Variants in GAREM1 observed in about 807,000 individuals in gnomAD.
GAREM1 encodes GRB2-associated and regulator of MAPK protein 1.
In GAREM1, 26 loss-of-function variants were observed where a neutral mutation model predicts 71.3. The observed-to-expected ratio is 0.36, with a 90% CI of 0.27 to 0.51. The LOEUF is 0.51. GAREM1 is among the 20% of genes least tolerant of loss of function. GAREM1 has a pLI of 0.95. For missense variants in GAREM1, 1,026 were observed against 1,103.1 expected (o/e 0.93, Z 0.99); for synonymous variants, 440 against 433.2 (o/e 1.02, Z -0.20).
rs369461048 is a variant in GAREM1, at chr18:32,287,738, G to A, written c.859C>T (p.Leu287=). Residue 287 remains leucine (L), a synonymous_variant, in exon 4 of 6, where the codon CTG becomes TTG. Coordinates refer to ENST00000269209, the MANE Select transcript of GAREM1 (RefSeq NM_001242409.2). This position sits in a 1 kb window ranked among gnomAD's most constrained non-coding sequence, Gnocchi z 5.9. ...QTKTVVVCCV[L]RNNKILPMHF... is the part of the protein sequence containing the mutation. The stretch of plus-strand genomic sequence containing the variant: ...ATGGGGAGGATCTTGTTGTTCCGCA[G>A]CACACAGCAAACCACCACCGTCTTG... The A allele has an allele frequency of 1.3e-5, 21 of 1,613,872 alleles. No homozygotes were observed. The highest frequency in any genetic ancestry group is 1.7e-5 in the Admixed American group (1 of 59,986).
At chr18:32,333,496 A>T (rs529835207) in intron 2 of GAREM1, among the ~76,000 whole-genome samples, 1 of 152,236 alleles carries the variant, frequency 6.6e-6, no homozygotes, top group African/African-American at 2.4e-5. Context: ...AAGTGCCAAA[A>T]GAGAAGATTG....
chr18:32,350,206 G>A (rs746000731), intron 2 of GAREM1, among the ~76,000 whole-genome samples: 42 of 152,044 alleles, frequency 2.8e-4, no homozygotes, highest in Non-Finnish European at 5.9e-4. Context: ...TCATTCAGAG[G>A]CTCTCTCCTC....
intron 2 of GAREM1, among the ~76,000 whole-genome samples, chr18:32,313,437 T>C (rs937740212): frequency 6.6e-6 from 1 of 152,052 alleles, no homozygotes; most frequent in African/African-American, 2.4e-5. Context: ...TATGATGTGG[T>C]CTAAGGAGGG....
At chr18:32,356,895 A>G (rs1240217073) in intron 2 of GAREM1, among the ~76,000 whole-genome samples, 1 of 151,952 alleles carries the variant, frequency 6.6e-6, no homozygotes, top group Non-Finnish European at 1.5e-5. Context: ...GCCACCCTCC[A>G]CCCCCAACCA....
chr18:32,407,812 C>A (rs2048378627), intron 1 of GAREM1, among the ~76,000 whole-genome samples: 1 of 152,098 alleles, frequency 6.6e-6, no homozygotes, highest in South Asian at 2.1e-4. Flanking sequence ...GGCAACATAA[C>A]CTCAGATCTC....
chr18:32,457,621 T>C (rs1316261595), intron 1 of GAREM1, among the ~76,000 whole-genome samples: 3 of 152,112 alleles, frequency 2.0e-5, no homozygotes, highest in Admixed American at 6.6e-5. Context: ...TGAAGCTTCT[T>C]TGGTGTGGCA....
chr18:32,283,630 A>T (rs973266325), intron 4 of GAREM1, among the ~76,000 whole-genome samples: 8 of 152,212 alleles, frequency 5.3e-5, no homozygotes, highest in African/African-American at 1.9e-4. Flanking sequence ...ACAATTCTAG[A>T]GCATCAAATA....
intron 2 of GAREM1, among the ~76,000 whole-genome samples, chr18:32,320,271 T>C (rs950686416): frequency 2.0e-5 from 3 of 152,220 alleles, no homozygotes; most frequent in Admixed American, 6.5e-5. Flanking sequence ...AAGTAATCTA[T>C]GTTTCATATT....
At chr18:32,387,399 A>C (rs956507838) in intron 2 of GAREM1, among the ~76,000 whole-genome samples, 14 of 152,200 alleles carry the variant, frequency 9.2e-5, no homozygotes, top group African/African-American at 3.4e-4. Context: ...AGAATGCAGA[A>C]AAAATCTTGA....
chr18:32,378,584 T>C (rs905315943), intron 2 of GAREM1, among the ~76,000 whole-genome samples: 2 of 151,976 alleles, frequency 1.3e-5, no homozygotes, highest in Non-Finnish European at 2.9e-5. Context: ...TTCTGCATGA[T>C]GCTCCAATGG....
rs1237617006 is a variant in GAREM1, at chr18:32,470,693, GCGGGCGGCGGCGGCGGCC to G, written c.-283_-266del. Among the ~76,000 whole-genome samples the G allele has an allele frequency of 6.7e-6, 1 of 149,748 alleles. No homozygotes were observed. Among genetic ancestry groups the G allele is most frequent in the African/African-American group, 2.4e-5 (1 of 41,166 alleles). On this transcript the variant is annotated 5_prime_UTR_variant, in exon 1 of 6. Coordinates refer to ENST00000269209, the MANE Select transcript of GAREM1 (RefSeq NM_001242409.2). This position sits in a 1 kb window ranked among gnomAD's most constrained non-coding sequence, Gnocchi z 4.4. ...GAAGACTCAGAGCAGCCGCGCGGCTGCGGGCGGCGGCGGCGGCCCGGGTGGCTGCGGCGGCTCCCGCTC... is the reference window on the plus strand; with the variant it reads ...GAAGACTCAGAGCAGCCGCGCGGCTGCGGGTGGCTGCGGCGGCTCCCGCTC...
intron 2 of GAREM1, among the ~76,000 whole-genome samples, chr18:32,338,062 TG>T (rs558373550): frequency 3.0e-4 from 45 of 151,886 alleles, no homozygotes; most frequent in Non-Finnish European, 6.3e-4. Context: ...GTGAAAGAGG[TG>T]GTTTCTTCAG....
chr18:32,383,434 C>T (rs2048115566), intron 2 of GAREM1, among the ~76,000 whole-genome samples: 1 of 152,170 alleles, frequency 6.6e-6, no homozygotes, highest in African/African-American at 2.4e-5. Context: ...GTTTTGCTAG[C>T]ACTGCAATCA....
chr18:32,464,913 G>C (rs1293465992), intron 1 of GAREM1, among the ~76,000 whole-genome samples: 1 of 152,200 alleles, frequency 6.6e-6, no homozygotes, highest in Non-Finnish European at 1.5e-5. Flanking sequence ...AACAGGGCTT[G>C]TCACATAGCA....
chr18:32,436,639 A>G (rs890141474), intron 1 of GAREM1, among the ~76,000 whole-genome samples: 24 of 152,240 alleles, frequency 1.6e-4, no homozygotes, highest in Admixed American at 1.5e-3. Context: ...GTGTTTAAGC[A>G]TATCACCTTA....
intron 2 of GAREM1, among the ~76,000 whole-genome samples, chr18:32,343,535 G>C (rs192957898): frequency 6.6e-6 from 1 of 151,906 alleles, no homozygotes; most frequent in Admixed American, 6.6e-5. Flanking sequence ...TCCTAGCCTC[G>C]AGTGATCTGT....
At chr18:32,347,959 A>G (rs2047712221) in intron 2 of GAREM1, among the ~76,000 whole-genome samples, 1 of 152,252 alleles carries the variant, frequency 6.6e-6, no homozygotes, top group African/African-American at 2.4e-5. Flanking sequence ...ACACTGGTTG[A>G]GGCCTCCTTG....
rs10163678 is a variant in GAREM1, at chr18:32,295,837, A to G, written c.394-7634T>C. 4.7e-3 allele frequency among the ~76,000 whole-genome samples: 711 copies of G among 152,298 alleles called. 6 individuals are homozygous for G. Among genetic ancestry groups the G allele is most frequent in the African/African-American group, 0.017 (686 of 41,560 alleles). ...TTGGATGATTCAGGTAAGTATTGCT[A>G]TTATTTTTTAACAAGATCTCAACCT... is the stretch of plus-strand genomic sequence containing the variant. On this transcript the variant is annotated intron_variant, in intron 3 of 5. Transcript: ENST00000269209.
At chr18:32,400,872 C>T (rs577267517) in intron 1 of GAREM1, among the ~76,000 whole-genome samples, 11 of 152,270 alleles carry the variant, frequency 7.2e-5, no homozygotes, top group Admixed American at 7.2e-4. Context: ...GACACATGTA[C>T]ACATATGTTT....
Sources: allele counts gnomAD v4.1 joint callset (sites outside exome capture counted in the v4.1 genomes callset), GRCh38; gene constraint gnomAD v4.1.1; non-coding constraint Gnocchi (gnomAD v3.1); transcripts MANE v1.5; gene names NCBI Gene and HGNC (gene_info 2026-07-23, HGNC 2026-07-21).